Variants in SHPRH observed in about 807,000 individuals in gnomAD.
SHPRH encodes E3 ubiquitin-protein ligase SHPRH.
Under a neutral mutation model 202.5 loss-of-function variants are expected in SHPRH, and 106 were observed. The ratio of observed to expected loss-of-function variants is 0.52; its 90% CI spans 0.45 to 0.62. The LOEUF (loss-of-function observed/expected upper bound fraction) is 0.62. Ranked by LOEUF, SHPRH falls within the 20% of genes least tolerant of loss-of-function variation. SHPRH has a pLI of 0.00. For missense variants in SHPRH, 1,710 were observed against 2,020.0 expected (o/e 0.85, Z 2.94); for synonymous variants, 729 against 686.0 (o/e 1.06, Z -0.98).
intron 4 of SHPRH, 83 bp downstream of exon 4, chr6:145,950,181 A>T (rs1300569473): frequency 1.8e-6 from 2 of 1,096,542 alleles, no homozygotes; most frequent in Non-Finnish European, 1.3e-6. Flanking sequence ...TGTTTATTTT[A>T]ATGATCAATT....
At position 145,943,402 on chromosome 6, in the gene SHPRH, T is replaced by C; in HGVS notation, c.1979A>G (p.Glu660Gly). The stretch of plus-strand genomic sequence containing the variant: ...CTGATCAAGTTCACCACATATACAC[T>C]CAAAGCGGTAATCAGAGGTGTTAAA... ...SPFNTSDYRFECICGELDQID... is the reference protein window; with the variant it reads ...SPFNTSDYRFGCICGELDQID... Residue 660 changes from glutamate to glycine, a missense_variant, in exon 9 of 30, where the codon GAG becomes GGG. Coordinates refer to ENST00000275233, the MANE Select transcript of SHPRH (RefSeq NM_001042683.3). 1 of 1,613,966 alleles carries C rather than the reference T, an allele frequency of 6.2e-7. No individual in the cohort carries two copies. The highest frequency in any genetic ancestry group is 1.1e-5 in the South Asian group (1 of 91,072).
Position 145,885,954 on chromosome 6 carries a change from A to G in SHPRH, c.*737T>C, listed in dbSNP as rs558990510. 1 of 152,354 alleles carries G rather than the reference A, an allele frequency of 6.6e-6. No individual in the cohort carries two copies. The highest frequency in any genetic ancestry group is 6.5e-5 in the Admixed American group (1 of 15,304). The allele number at this position is 152,354 out of a possible 1,614,324, so 9.4% of individuals were successfully genotyped here. On this transcript the variant is annotated 3_prime_UTR_variant, in exon 30 of 30. Coordinates refer to ENST00000275233, the MANE Select transcript of SHPRH (RefSeq NM_001042683.3). ...CTTACAACATATAAAAACTTTAACA[A>G]TAAGAAAAATTAAGAGTAGGGAAAG...
chr6:145,866,440 T>G (rs1046870324), intron 2 of SHPRH, among the ~76,000 whole-genome samples: 1 of 152,256 alleles, frequency 6.6e-6, no homozygotes, highest in Non-Finnish European at 1.5e-5. Flanking sequence ...TGGATTGAAA[T>G]GATCATTAAG....
rs193051284 is a variant in SHPRH, at chr6:145,873,004, C to T, written c.222-8513G>A. ...ATGATGAGAATACATGGACACATGG[C>T]GGGGAACAACACACACTAGGGTGTG... is the stretch of plus-strand genomic sequence containing the variant. On this transcript the variant is annotated intron_variant, in intron 2 of 2. Coordinates refer to the SHPRH transcript ENST00000417762. Among the ~76,000 whole-genome samples, 289 of 152,080 alleles carry T rather than the reference C, an allele frequency of 1.9e-3. 1 individual carries two copies. The highest frequency in any genetic ancestry group is 6.3e-3 in the African/African-American group (261 of 41,488).
intron 2 of SHPRH, among the ~76,000 whole-genome samples, chr6:145,866,529 A>G (rs1779789082): frequency 6.6e-6 from 1 of 151,980 alleles, no homozygotes; most frequent in Non-Finnish European, 1.5e-5. Context: ...GCTCTTTATG[A>G]TAAAATACAA....
intron 29 of SHPRH, 123 bp downstream of exon 29, chr6:145,887,897 C>G (rs1280596830): frequency 2.9e-6 from 2 of 700,518 alleles, no homozygotes; most frequent in Non-Finnish European, 4.9e-6. Flanking sequence ...AAACGTCAGA[C>G]TTTGCTTTTA....
chr6:145,959,145 A>G (rs1788816500), intron 1 of SHPRH, among the ~76,000 whole-genome samples: 1 of 152,050 alleles, frequency 6.6e-6, no homozygotes, highest in Non-Finnish European at 1.5e-5. Context: ...GCATTACTTT[A>G]TTTTTTAATA....
At position 145,948,297 on chromosome 6, in the gene SHPRH, G is replaced by A. The variant is rs1184562117; in HGVS notation, c.1036C>T (p.Leu346Phe). 1.2e-6 allele frequency: 2 copies of A among 1,603,274 alleles called. No homozygotes were observed. Among genetic ancestry groups the A allele is most frequent in the Admixed American group, 1.7e-5 (1 of 59,280 alleles). The change falls in exon 5 of 30, where the codon CTC becomes TTC. Residue 346 changes from leucine to phenylalanine, a missense_variant. By Grantham distance (22) the Leu-to-Phe change is conservative. Around this residue, in one of 8 missense-constraint regions of SHPRH, gnomAD observed 459 missense variants for 426.5 expected, o/e 1.08. Transcript: ENST00000275233. ...CAGCCTGTATATGGATTATAGTAGA[G>A]TTTCAGACCCTCAGATGTAACAATC... is the stretch of plus-strand genomic sequence containing the variant. The part of the protein sequence containing the change: ...REIVTSEGLK[L>F]YYNPYTGCII...
chr6:145,900,683 G>C (rs1782423360), intron 25 of SHPRH, among the ~76,000 whole-genome samples: 1 of 152,100 alleles, frequency 6.6e-6, no homozygotes, highest in Admixed American at 6.6e-5. Flanking sequence ...CAGATGCTAA[G>C]TGCCTTACAT....
Position 145,894,247 on chromosome 6 carries a change from T to C in SHPRH, c.4609-11A>G, listed in dbSNP as rs754271279. ...TAATACATCTTGCCACTAGAACACA[T>C]AAAACAATAAGAAAACCAATATTTA... On this transcript the variant is annotated splice_polypyrimidine_tract_variant and intron_variant, in intron 26 of 29. Coordinates refer to ENST00000275233, the MANE Select transcript of SHPRH (RefSeq NM_001042683.3). 8.9e-6 allele frequency: 14 copies of C among 1,572,764 alleles called. No individual in the cohort carries two copies. The African/African-American group carries it at 9.7e-5, about 11-fold the overall frequency.
At chr6:145,920,073 T>C (rs971562073) in intron 21 of SHPRH, among the ~76,000 whole-genome samples, 4 of 152,158 alleles carry the variant, frequency 2.6e-5, no homozygotes, top group Non-Finnish European at 2.9e-5. Flanking sequence ...CAGTTATATA[T>C]GTTTCTGAAA....
downstream of SHPRH, among the ~76,000 whole-genome samples, chr6:145,860,859 C>G (rs987143519): frequency 6.6e-6 from 1 of 152,094 alleles, no homozygotes; most frequent in African/African-American, 2.4e-5. Flanking sequence ...ATATTGCCAA[C>G]TGATCTTTGA....
intron 23 of SHPRH, among the ~76,000 whole-genome samples, chr6:145,914,211 T>C (rs1783747004): frequency 6.6e-6 from 1 of 152,008 alleles, no homozygotes; most frequent in Admixed American, 6.6e-5. Context: ...TGTTTGGCAG[T>C]TGGTAGGCTA....
chr6:145,950,995 A>G (rs997150175), intron 3 of SHPRH, among the ~76,000 whole-genome samples: 1 of 152,170 alleles, frequency 6.6e-6, no homozygotes. Flanking sequence ...ATATGGAGAC[A>G]TAACTGTTCT....
rs763764787 is a variant in SHPRH, at chr6:145,893,273, A to G, written c.4816T>C (p.Leu1606=). ...ATHVLLVEPI[L]NPAHELQAIG... ...GCCTGAAGCTCATGGGCAGGGTTCA[A>G]TATGGGCTCCACCAAGAGAACATGA... Residue 1606 remains leucine, a synonymous_variant, in exon 28 of 30, where the codon TTG becomes CTG. Transcript: ENST00000275233. 8 of 1,606,246 alleles carry G rather than the reference A, an allele frequency of 5.0e-6. No homozygotes were observed. The highest frequency in any genetic ancestry group is 3.3e-5 in the South Asian group (3 of 89,842).
chr6:145,958,195 G>A (rs1788702005), intron 1 of SHPRH, among the ~76,000 whole-genome samples: 1 of 152,160 alleles, frequency 6.6e-6, no homozygotes, highest in Admixed American at 6.5e-5. Context: ...GGAGCAGGAA[G>A]GCAGGCTTTG....
At chr6:145,881,425 G>A (rs1299354685), downstream of SHPRH, among the ~76,000 whole-genome samples, 6 of 152,144 alleles carry the variant, frequency 3.9e-5, no homozygotes, top group African/African-American at 9.7e-5. Context: ...TGTTGTTTTT[G>A]TTGACACATA....
chr6:145,940,611 T>A, intron 11 of SHPRH, 112 bp downstream of exon 11: 1 of 977,478 alleles, frequency 1.0e-6, no homozygotes, highest in Non-Finnish European at 1.5e-6. Flanking sequence ...TATAAAGACA[T>A]GAATCATCAC....
chr6:145,891,163 T>C (rs1002218833), intron 28 of SHPRH, among the ~76,000 whole-genome samples: 1 of 152,144 alleles, frequency 6.6e-6, no homozygotes, highest in African/African-American at 2.4e-5. Flanking sequence ...TCACAGTGGC[T>C]TCCTGGGCCC....
Sources: gnomAD v4.1 joint callset for allele counts (sites outside exome capture counted in the v4.1 genomes callset) on GRCh38, gnomAD v4.1.1 for gene constraint, gnomAD v4.1.1 regional missense constraint, MANE v1.5 for transcripts, NCBI Gene and HGNC (gene_info 2026-07-23, HGNC 2026-07-21) for gene names.